Variants in PCDH9 observed in about 807,000 individuals in gnomAD.
The protein encoded by PCDH9 is protocadherin-9.
Under a neutral mutation model 70.6 loss-of-function variants are expected in PCDH9, and 24 were observed. The ratio of observed to expected loss-of-function variants is 0.34; its 90% CI spans 0.25 to 0.48. The LOEUF (loss-of-function observed/expected upper bound fraction) is 0.48. PCDH9 is among the 20% of genes least tolerant of loss of function. The pLI is 0.99. For synonymous variants in PCDH9, 562 were observed against 558.5 expected, an observed-to-expected ratio of 1.01 and a Z score of -0.09; for missense variants, 1,281 against 1,503.6, an observed-to-expected ratio of 0.85 and a Z score of 2.45.
chr13:66,540,012 G>A (rs1242321259), intron 4 of PCDH9, among the ~76,000 whole-genome samples: 1 of 151,200 alleles, frequency 6.6e-6, no homozygotes, highest in Non-Finnish European at 1.5e-5. Context: ...TGAGATTACA[G>A]GCCTGAACCA....
chr13:67,142,844 C>CA (rs34886805), intron 2 of PCDH9, among the ~76,000 whole-genome samples: 92,961 of 134,170 alleles, frequency 0.69, 31,960 homozygotes, highest in East Asian at 0.83. Flanking sequence ...ACTAAAAATA[C>CA]AAAAAAAAAA....
At chr13:66,517,990 A>G (rs565534572) in intron 4 of PCDH9, among the ~76,000 whole-genome samples, 8 of 152,238 alleles carry the variant, frequency 5.3e-5, no homozygotes, top group African/African-American at 1.9e-4. Context: ...TCATTCCTGC[A>G]TTGCTATAAA....
intron 4 of PCDH9, among the ~76,000 whole-genome samples, chr13:66,451,617 A>C (rs1218383152): frequency 6.6e-6 from 1 of 152,226 alleles, no homozygotes; most frequent in Non-Finnish European, 1.5e-5. Context: ...AGCACATCCA[A>C]AAATTGTTTA....
At chr13:66,909,563 A>G (rs928263973) in intron 2 of PCDH9, among the ~76,000 whole-genome samples, 17 of 152,060 alleles carry the variant, frequency 1.1e-4, no homozygotes, top group Admixed American at 2.0e-4. Flanking sequence ...AGGTCAGGAG[A>G]TGGAGACCAT....
At chr13:66,439,850 A>T (rs976994561) in intron 4 of PCDH9, among the ~76,000 whole-genome samples, 9 of 152,158 alleles carry the variant, frequency 5.9e-5, no homozygotes, top group African/African-American at 2.2e-4. Flanking sequence ...GTTCTAAACT[A>T]GTTGCCACAG....
intron 4 of PCDH9, among the ~76,000 whole-genome samples, chr13:66,425,600 G>A (rs430972): frequency 0.038 from 5,746 of 151,144 alleles, 338 homozygotes; most frequent in African/African-American, 0.13. Flanking sequence ...TTGTCCTACC[G>A]GAGTTCTCTT....
chr13:66,311,366 CTGTGTG>C (rs71803849), intron 4 of PCDH9, among the ~76,000 whole-genome samples: 2 of 132,810 alleles, frequency 1.5e-5, no homozygotes, highest in African/African-American at 3.1e-5. Flanking sequence ...CTCTCTCTCT[CTGTGTG>C]TGTGTGTGTG....
chr13:66,982,302 C>G (rs914523237), intron 2 of PCDH9, among the ~76,000 whole-genome samples: 1 of 152,182 alleles, frequency 6.6e-6, no homozygotes, highest in Non-Finnish European at 1.5e-5. Context: ...ATTACCCAGT[C>G]TCAGGTATTT....
chr13:67,200,265 C>G (rs2089176398), intron 2 of PCDH9, among the ~76,000 whole-genome samples: 1 of 152,012 alleles, frequency 6.6e-6, no homozygotes, highest in Non-Finnish European at 1.5e-5. Flanking sequence ...GAATTTCCCA[C>G]TTCTGTTGTA....
At chr13:66,555,315 T>C (rs951149472) in intron 4 of PCDH9, among the ~76,000 whole-genome samples, 4 of 151,984 alleles carry the variant, frequency 2.6e-5, no homozygotes, top group African/African-American at 9.7e-5. Context: ...ATAGATTCTC[T>C]AATATAATTA....
chr13:66,987,546 A>T (rs1351477336), intron 2 of PCDH9, among the ~76,000 whole-genome samples: 1 of 152,018 alleles, frequency 6.6e-6, no homozygotes, highest in East Asian at 1.9e-4. Flanking sequence ...TATATTAATA[A>T]ATTTATAAAA....
intron 2 of PCDH9, among the ~76,000 whole-genome samples, chr13:66,925,368 A>T (rs1555286910): frequency 6.6e-6 from 1 of 151,744 alleles, no homozygotes; most frequent in Non-Finnish European, 1.5e-5. Context: ...CTTATAAAAT[A>T]TTTTTTTCTC....
chr13:66,595,549 G>C (rs1468302646), intron 4 of PCDH9, among the ~76,000 whole-genome samples: 1 of 151,546 alleles, frequency 6.6e-6, no homozygotes, highest in Non-Finnish European at 1.5e-5. Flanking sequence ...TCTAATTTAA[G>C]GCTTATTCAA....
At chr13:66,588,259 T>A (rs2076990161) in intron 4 of PCDH9, among the ~76,000 whole-genome samples, 1 of 151,872 alleles carries the variant, frequency 6.6e-6, no homozygotes, top group Admixed American at 6.6e-5. Context: ...AGCTCCAGAT[T>A]TACCCAAACA....
intron 4 of PCDH9, among the ~76,000 whole-genome samples, chr13:66,573,694 G>T (rs2076768609): frequency 6.6e-6 from 1 of 152,116 alleles, no homozygotes; most frequent in Admixed American, 6.5e-5. Flanking sequence ...TTGCAATCAA[G>T]TTGCAGTCAG....
chr13:66,799,829 T>C (rs958782135), intron 3 of PCDH9, among the ~76,000 whole-genome samples: 2 of 152,158 alleles, frequency 1.3e-5, no homozygotes, highest in East Asian at 1.9e-4. Flanking sequence ...GGCAATCTAA[T>C]GACATCTTTA....
intron 4 of PCDH9, among the ~76,000 whole-genome samples, chr13:66,315,639 G>A (rs1031271615): frequency 2.0e-4 from 31 of 152,060 alleles, no homozygotes; most frequent in African/African-American, 6.5e-4. Flanking sequence ...GTGCCACCAC[G>A]TCCAGCTAAT....
intron 2 of PCDH9, among the ~76,000 whole-genome samples, chr13:67,156,804 C>A (rs1404451809): frequency 6.6e-6 from 1 of 152,156 alleles, no homozygotes; most frequent in Non-Finnish European, 1.5e-5. Context: ...TGTAAACATT[C>A]ACCCCTAGAC....
chr13:66,696,879 T>C (rs1235357038), intron 3 of PCDH9, among the ~76,000 whole-genome samples: 1 of 150,088 alleles, frequency 6.7e-6, no homozygotes, highest in Non-Finnish European at 1.5e-5. Context: ...AGATGGGAGA[T>C]TGCTTGAGTC....
Sources: allele counts gnomAD v4.1 joint callset (sites outside exome capture counted in the v4.1 genomes callset), GRCh38; gene constraint gnomAD v4.1.1; transcripts MANE v1.5; gene names NCBI Gene and HGNC (gene_info 2026-07-23, HGNC 2026-07-21).